Variants in DNAH12 observed in about 807,000 individuals in gnomAD.
The protein encoded by DNAH12 is dynein axonemal heavy chain 12, also known as axonemal beta dynein heavy chain 12.
A neutral mutation model predicts 371.5 loss-of-function variants in DNAH12; 285 were observed. That is an observed-to-expected ratio of 0.77 (90% CI 0.70 to 0.85). The LOEUF is 0.85. DNAH12 is among the 40% of genes least tolerant of loss of function. The pLI is 0.00. For synonymous variants in DNAH12, 1,200 were observed against 1,213.0 expected (o/e 0.99, Z 0.22); for missense variants, 3,611 against 3,689.4 (o/e 0.98, Z 0.55).
rs564157390 is a variant in DNAH12 at position 57,346,055 on chromosome 3, T to C, written c.9674+6030A>G. Among the ~76,000 whole-genome samples, 7 of 152,238 alleles carry C rather than the reference T, an allele frequency of 4.6e-5. No individual in the cohort carries two copies. The East Asian group carries it at 7.7e-4, about 17-fold the overall frequency. ...TAGCTAGAAGAGAGAATACTGAATGTTCCTAGCACAAAGAAATGATAAATG... is the reference window on the plus strand; with the variant it reads ...TAGCTAGAAGAGAGAATACTGAATGCTCCTAGCACAAAGAAATGATAAATG... On this transcript the variant is annotated intron_variant, in intron 60 of 73. Coordinates refer to ENST00000495027, the MANE Select transcript of DNAH12 (RefSeq NM_001366028.2).
chr3:57,431,478 C>T (rs1434889427), intron 32 of DNAH12, among the ~76,000 whole-genome samples: 2 of 152,196 alleles, frequency 1.3e-5, no homozygotes, highest in Non-Finnish European at 2.9e-5. Context: ...TCAGTCTCTG[C>T]CCACAGCCTC....
chr3:57,318,458 A>G (rs2153284884), intron 65 of DNAH12, among the ~76,000 whole-genome samples: 1 of 152,224 alleles, frequency 6.6e-6, no homozygotes, highest in African/African-American at 2.4e-5. Context: ...GTCAAAGATC[A>G]GTTGACCTTA....
intron 8 of DNAH12, among the ~76,000 whole-genome samples, chr3:57,504,805 C>T (rs2067689082): frequency 6.6e-6 from 1 of 152,060 alleles, no homozygotes; most frequent in Non-Finnish European, 1.5e-5. Context: ...TGTAGTTACC[C>T]AGTTGTGCTA....
intron 59 of DNAH12, among the ~76,000 whole-genome samples, chr3:57,354,061 C>A (rs1281221383): frequency 6.6e-5 from 10 of 152,154 alleles, no homozygotes; most frequent in Non-Finnish European, 1.2e-4. Flanking sequence ...ACCATAAAGA[C>A]ACGTATGCGT....
intron 11 of DNAH12, chr3:57,498,473 T>C (rs2067392796): frequency 4.2e-6 from 3 of 711,798 alleles, no homozygotes; most frequent in Non-Finnish European, 5.2e-6. Context: ...CAAGCTACTA[T>C]GCCTGGCTTA....
chr3:57,499,648 A>AAAAAAAAAAAATATG (rs71088082), intron 11 of DNAH12, among the ~76,000 whole-genome samples: 3 of 21,298 alleles, frequency 1.4e-4, no homozygotes, highest in African/African-American at 2.0e-4. Flanking sequence ...AAAAAAAAAA[A>AAAAAAAAAAAATATG]TATATATATA....
chr3:57,304,809 C>CTCG (rs1553643523), intron 69 of DNAH12, among the ~76,000 whole-genome samples: 1 of 152,056 alleles, frequency 6.6e-6, no homozygotes, highest in Admixed American at 6.5e-5. Context: ...GGCAAGAACT[C>CTCG]TCTGACCCCT....
chr3:57,502,497 A>C lies in DNAH12; in HGVS notation c.1087-18T>G, dbSNP rs2067587601. The C allele has an allele frequency of 6.2e-7, 1 of 1,609,612 alleles. No individual in the cohort carries two copies. On this transcript the variant is annotated intron_variant, in intron 9 of 73. Coordinates refer to ENST00000495027, the MANE Select transcript of DNAH12 (RefSeq NM_001366028.2). ...TGGACATTCTAACACAAATAAAAATAATAACAATGTATACAATAAATATCT... is the reference window on the plus strand; with the variant it reads ...TGGACATTCTAACACAAATAAAAATCATAACAATGTATACAATAAATATCT...
At chr3:57,373,199 G>A (rs1281947442) in intron 55 of DNAH12, among the ~76,000 whole-genome samples, 2 of 152,014 alleles carry the variant, frequency 1.3e-5, no homozygotes, top group East Asian at 1.9e-4. Context: ...CTTGGGTCCC[G>A]CAGCTGTAAG....
Position 57,323,600 on chromosome 3 carries a change from T to A in DNAH12, c.9998A>T (p.Asn3333Ile). ...TTTCCCTAGTTTGTCAGTTACATAG[T>A]TTGTTATAGCTGGGGTTATCTGTTG... Reference protein sequence around the residue: ...RPDKITPAITNYVTDKLGKKF... With the variant: ...RPDKITPAITIYVTDKLGKKF... The change falls in exon 63 of 74, where the codon AAC (asparagine) becomes ATC (isoleucine). Residue 3333 changes from asparagine to isoleucine, a missense_variant. Asn to Ile is a moderately radical substitution (Grantham distance 149). Around this residue, in one of 3 missense-constraint regions of DNAH12, gnomAD observed 2,266 missense variants for 2,236.9 expected, o/e 1.01. Coordinates refer to ENST00000495027, the MANE Select transcript of DNAH12 (RefSeq NM_001366028.2). 6.5e-7 allele frequency: 1 copy of A among 1,547,532 alleles called. No individual in the cohort carries two copies. The highest frequency in any genetic ancestry group is 8.7e-7 in the Non-Finnish European group (1 of 1,145,858).
intron 45 of DNAH12, among the ~76,000 whole-genome samples, chr3:57,388,612 A>G (rs1228406109): frequency 6.6e-6 from 1 of 152,172 alleles, no homozygotes; most frequent in African/African-American, 2.4e-5. Flanking sequence ...AATTTTATAA[A>G]ATGCCAGGTT....
At chr3:57,342,785 C>T (rs2062438152) in intron 60 of DNAH12, among the ~76,000 whole-genome samples, 3 of 151,558 alleles carry the variant, frequency 2.0e-5, no homozygotes, top group African/African-American at 7.3e-5. Context: ...TTTAAATGGG[C>T]AAATGAGGCT....
In DNAH12 at chr3:57,542,157, G is replaced by T. The variant is rs1233912320; in HGVS notation, c.170+544C>A. Among the ~76,000 whole-genome samples the T allele has an allele frequency of 1.4e-3, 12 of 8,884 alleles. 1 individual carries two copies. The highest frequency in any genetic ancestry group is 0.05 in the East Asian group (1 of 20). 5.8% of individuals were successfully genotyped at this position (8,884 alleles called of 152,430 possible). On this transcript the variant is annotated intron_variant, in intron 2 of 73. Coordinates refer to ENST00000495027, the MANE Select transcript of DNAH12 (RefSeq NM_001366028.2). ...ATTAGTTTTAATTTCCACTAAACTGGGGGGGGGGGGGGCGGTGAGTAGGAT... is the reference window on the plus strand; with the variant it reads ...ATTAGTTTTAATTTCCACTAAACTGTGGGGGGGGGGGGCGGTGAGTAGGAT...
rs771707214 is a variant in DNAH12, at chr3:57,457,765, G to A, written c.3292C>T (p.Leu1098=). 80 of 1,551,428 alleles carry A rather than the reference G, an allele frequency of 5.2e-5. No individual in the cohort carries two copies. The African/African-American group carries it at 1.0e-3, about 20-fold the overall frequency. The change falls in exon 22 of 74, where the codon CTA becomes TTA. Residue 1098 remains leucine, a synonymous_variant. Coordinates refer to ENST00000495027, the MANE Select transcript of DNAH12 (RefSeq NM_001366028.2). ...VEKWLIQVED[L]MLRSVHDVIA... ...ACATCGTGAACACTCCGGAGCATTA[G>A]GTCTTCCACTTGAATGAGCCACTTT...
intron 25 of DNAH12, among the ~76,000 whole-genome samples, chr3:57,446,898 G>C (rs954690504): frequency 2.0e-5 from 3 of 152,154 alleles, no homozygotes; most frequent in Non-Finnish European, 4.4e-5. Flanking sequence ...ATCAAAACTT[G>C]TCTTCTGACA....
intron 68 of DNAH12, 78 bp from the exon 69 acceptor site, chr3:57,309,332 A>G: frequency 2.7e-6 from 3 of 1,105,870 alleles, no homozygotes; most frequent in Non-Finnish European, 3.9e-6. Flanking sequence ...ATATAATAAT[A>G]GCTAATACTA....
rs1452931221 is a variant in DNAH12, at chr3:57,520,061, C to T, written c.279+3522G>A. 7 of 537,034 alleles carry T rather than the reference C, an allele frequency of 1.3e-5. No individual in the cohort carries two copies. In the East Asian group the frequency reaches 2.1e-4, roughly 16 times the overall value. The allele number at this position is 537,034 out of a possible 1,614,324, so 33.3% of individuals were successfully genotyped here. ...ACGTTGGGTTGGGGAAAGCCGGAGGCTGTGGCGGCTCTGTGGCTACAGCGT... is the reference window on the plus strand; with the variant it reads ...ACGTTGGGTTGGGGAAAGCCGGAGGTTGTGGCGGCTCTGTGGCTACAGCGT... On this transcript the variant is annotated intron_variant, in intron 4 of 73. Coordinates refer to ENST00000495027, the MANE Select transcript of DNAH12 (RefSeq NM_001366028.2).
Position 57,390,442 on chromosome 3 carries a change from T to A in DNAH12, c.7305+1430A>T, listed in dbSNP as rs1246515257. Among the ~76,000 whole-genome samples the A allele has an allele frequency of 2.3e-5, 2 of 88,500 alleles. 1 individual carries two copies. The highest frequency in any genetic ancestry group is 9.3e-4 in the South Asian group (2 of 2,154). The allele number at this position is 88,500 out of a possible 152,430, so 58.1% of individuals were successfully genotyped here. On this transcript the variant is annotated intron_variant, in intron 45 of 73. Coordinates refer to ENST00000495027, the MANE Select transcript of DNAH12 (RefSeq NM_001366028.2). ...AAAAAAAAATATATATATATATATA[T>A]ATATATATACTTAGACCAACCATGA...
In DNAH12 at chr3:57,326,719, T is replaced by G. The variant is rs535726665; in HGVS notation, c.9979-3100A>C. 7.2e-4 allele frequency among the ~76,000 whole-genome samples: 110 copies of G among 152,300 alleles called. 1 individual carries two copies. The highest frequency in any genetic ancestry group is 2.6e-3 in the African/African-American group (109 of 41,548). ...TATTCACACATAACAATATTAACTT[T>G]AAATGTAAATGGACTAAATGCTCCA... On this transcript the variant is annotated intron_variant, in intron 62 of 73. Transcript: ENST00000495027.
Sources: allele counts gnomAD v4.1 joint callset (sites outside exome capture counted in the v4.1 genomes callset), GRCh38; gene constraint gnomAD v4.1.1; regional missense constraint gnomAD v4.1.1; transcripts MANE v1.5; gene names NCBI Gene and HGNC (gene_info 2026-07-23, HGNC 2026-07-21).